Variants in C14orf132 observed in about 807,000 individuals in gnomAD.
C14orf132 encodes uncharacterized protein C14orf132.
C14orf132 carries 6 observed loss-of-function variants against 5.8 expected under a neutral mutation model. The observed-to-expected ratio is 1.03, with a 90% confidence interval of 0.57 to 2.04. The LOEUF is 2.04. C14orf132 is among the 30% of genes most tolerant of loss of function. C14orf132 has a pLI of 0.00. For missense variants in C14orf132, 125 were observed against 115.8 expected, an observed-to-expected ratio of 1.08 and a Z score of -0.37; for synonymous variants, 51 against 49.8, an observed-to-expected ratio of 1.02 and a Z score of -0.10.
Position 96,090,479 on chromosome 14 carries a change from G to T in C14orf132, c.*3744G>T. On this transcript the variant is annotated 3_prime_UTR_variant, in exon 2 of 2. Coordinates refer to ENST00000555004, the MANE Select transcript of C14orf132 (RefSeq NM_001252507.3). ...GGCCACCACTGAAGGTCTTTGAGAA[G>T]AGGCCAGACGCCGCTGTAGCCAGGC... The T allele has an allele frequency of 8.1e-6, 3 of 368,322 alleles. No individual in the cohort carries two copies. Among genetic ancestry groups the T allele is most frequent in the Non-Finnish European group, 1.6e-5 (3 of 185,978 alleles). 22.8% of individuals were successfully genotyped at this position (368,322 alleles called of 1,614,324 possible).
chr14:96,046,761 C>A (rs139001872), intron 1 of C14orf132, among the ~76,000 whole-genome samples: 69 of 152,302 alleles, frequency 4.5e-4, no homozygotes, highest in African/African-American at 1.5e-3. Context: ...CCTGCTAATT[C>A]CCCTTCTAAA....
intron 1 of C14orf132, among the ~76,000 whole-genome samples, chr14:96,061,044 C>T (rs1233258504): frequency 1.3e-5 from 2 of 152,198 alleles, no homozygotes; most frequent in African/African-American, 4.8e-5. Context: ...CGACCATCAC[C>T]TACTACTAAT....
At position 96,062,809 on chromosome 14, in the gene C14orf132, G is replaced by A. The variant is rs539961252; in HGVS notation, c.27+23282G>A. On this transcript the variant is annotated intron_variant, in intron 1 of 1. Coordinates refer to ENST00000555004, the MANE Select transcript of C14orf132 (RefSeq NM_001252507.3). The stretch of plus-strand genomic sequence containing the variant: ...CCAGGTACATTCTTCCTTGGCCTTC[G>A]GAGTGCCCTTACATACTCTCAGGAT... Among the ~76,000 whole-genome samples the A allele has an allele frequency of 5.3e-5, 8 of 152,168 alleles. No homozygotes were observed. In the South Asian group the frequency reaches 1.2e-3, roughly 24 times the overall value.
At chr14:96,080,727 G>A (rs899506469) in intron 1 of C14orf132, among the ~76,000 whole-genome samples, 1 of 152,126 alleles carries the variant, frequency 6.6e-6, no homozygotes, top group Admixed American at 6.5e-5. Context: ...GAGGCCCCTG[G>A]AGGATGCTGT....
chr14:96,069,296 T>C (rs1315818982), intron 1 of C14orf132, among the ~76,000 whole-genome samples: 1 of 130,002 alleles, frequency 7.7e-6, no homozygotes, highest in Non-Finnish European at 1.6e-5. Context: ...TATATATATA[T>C]ATATATATAT....
rs1251484928 is a variant in C14orf132 at position 96,088,000 on chromosome 14, T to A, written c.*1265T>A. The A allele has an allele frequency of 1.7e-5, 2 of 118,542 alleles. No individual in the cohort carries two copies. The highest frequency in any genetic ancestry group is 3.2e-5 in the Non-Finnish European group (2 of 62,230). 7.3% of individuals were successfully genotyped at this position (118,542 alleles called of 1,614,324 possible). On this transcript the variant is annotated 3_prime_UTR_variant, in exon 2 of 2. Transcript: ENST00000555004. ...AGGCAGCATCCCAGTGCAGATAGAG[T>A]GGGAAAGGTCCCAGAAGGGGGCTCA...
intron 1 of C14orf132, among the ~76,000 whole-genome samples, chr14:96,049,600 G>A (rs1284851092): frequency 9.2e-5 from 10 of 108,126 alleles, no homozygotes; most frequent in East Asian, 2.5e-4. Flanking sequence ...ACATATATAC[G>A]TATATATATA....
intron 1 of C14orf132, among the ~76,000 whole-genome samples, chr14:96,076,446 C>T (rs1481051469): frequency 6.6e-6 from 1 of 151,544 alleles, no homozygotes; most frequent in Non-Finnish European, 1.5e-5. Flanking sequence ...CTATTATTTC[C>T]TTCCTTCTGT....
At position 96,091,233 on chromosome 14, in the gene C14orf132, C is replaced by T; in HGVS notation, c.*4498C>T. ...ATCTCGGGATATGAGGCCTCGGAGG[C>T]TGGGGTTGAGATTTGGTCCTGAAGA... On this transcript the variant is annotated 3_prime_UTR_variant, in exon 2 of 2. Transcript: ENST00000555004. 2.8e-6 allele frequency: 1 copy of T among 356,994 alleles called. No individual in the cohort carries two copies. Among genetic ancestry groups the T allele is most frequent in the Non-Finnish European group, 5.5e-6 (1 of 182,134 alleles). 22.1% of individuals were successfully genotyped at this position (356,994 alleles called of 1,614,324 possible). A position where few individuals can be genotyped will look rare whatever the true frequency, so the allele number is the denominator to read the frequency against.
chr14:96,041,620 C>A (rs557569073), intron 1 of C14orf132, among the ~76,000 whole-genome samples: 4 of 152,356 alleles, frequency 2.6e-5, no homozygotes, highest in Non-Finnish European at 1.5e-5. Context: ...TGCAATACTT[C>A]GCAGTGCTTG....
At position 96,091,321 on chromosome 14, in the gene C14orf132, G is replaced by A. The variant is rs1012978304; in HGVS notation, c.*4586G>A. The A allele has an allele frequency of 3.3e-5, 11 of 329,184 alleles. No homozygotes were observed. Among genetic ancestry groups the A allele is most frequent in the Non-Finnish European group, 5.3e-5 (9 of 169,796 alleles). The allele number at this position is 329,184 out of a possible 1,614,324, so 20.4% of individuals were successfully genotyped here. ...GGAAAGGGGCAGGCGGCAGTGCACA[G>A]GGATTTATCAGTTCCAGAACCTCAC... is the stretch of plus-strand genomic sequence containing the variant. On this transcript the variant is annotated 3_prime_UTR_variant, in exon 2 of 2. Transcript: ENST00000555004.
At chr14:96,069,185 A>ATATATATATATATG (rs1454889338) in intron 1 of C14orf132, among the ~76,000 whole-genome samples, 4 of 143,506 alleles carry the variant, frequency 2.8e-5, no homozygotes, top group African/African-American at 5.1e-5. Flanking sequence ...ATATGTATAT[A>ATATATATATATATG]TATATATATG....
intron 1 of C14orf132, among the ~76,000 whole-genome samples, chr14:96,045,540 G>A (rs994429766): frequency 6.6e-6 from 1 of 152,324 alleles, no homozygotes; most frequent in African/African-American, 2.4e-5. Flanking sequence ...TGATGCCCTG[G>A]AGAGCTTGGC....
intron 1 of C14orf132, among the ~76,000 whole-genome samples, chr14:96,043,817 C>T (rs1486056575): frequency 2.0e-5 from 3 of 152,214 alleles, no homozygotes; most frequent in Non-Finnish European, 2.9e-5. Flanking sequence ...AACACAGTAT[C>T]GATTCAGCAA....
intron 1 of C14orf132, among the ~76,000 whole-genome samples, chr14:96,054,692 G>A (rs1340250610): frequency 6.6e-6 from 1 of 151,966 alleles, no homozygotes; most frequent in Non-Finnish European, 1.5e-5. Flanking sequence ...CCTTTTTTTG[G>A]GCTAAATGTA....
intron 1 of C14orf132, among the ~76,000 whole-genome samples, chr14:96,080,790 C>G (rs1888007653): frequency 1.3e-5 from 2 of 152,252 alleles, no homozygotes; most frequent in Middle Eastern, 6.8e-3. Flanking sequence ...TCGCACTCAG[C>G]CACCCCATGC....
intron 1 of C14orf132, 89 bp from the exon 2 acceptor site, chr14:96,086,422 G>C: frequency 8.6e-7 from 1 of 1,161,658 alleles, no homozygotes; most frequent in Non-Finnish European, 1.2e-6. Context: ...CTTCATGTGG[G>C]GTTGTTTGAC....
intron 1 of C14orf132, among the ~76,000 whole-genome samples, chr14:96,079,943 AT>A (rs1428615822): frequency 6.6e-6 from 1 of 152,234 alleles, no homozygotes; most frequent in Non-Finnish European, 1.5e-5. Flanking sequence ...ACAACAAATA[AT>A]TATTTAGGAT....
chr14:96,044,342 C>T (rs979667528), intron 1 of C14orf132, among the ~76,000 whole-genome samples: 1 of 152,126 alleles, frequency 6.6e-6, no homozygotes, highest in Non-Finnish European at 1.5e-5. Context: ...GCTGGCTAGT[C>T]TTTTAAAAAT....
Sources: allele counts gnomAD v4.1 joint callset (sites outside exome capture counted in the v4.1 genomes callset), GRCh38; gene constraint gnomAD v4.1.1; transcripts MANE v1.5; gene names NCBI Gene and HGNC (gene_info 2026-07-23, HGNC 2026-07-21).